Variants in HDGFL2 observed in about 807,000 individuals in gnomAD.
HDGFL2 encodes the protein HDGF like 2.
A neutral mutation model predicts 77.1 loss-of-function variants in HDGFL2; 36 were observed. The observed-to-expected ratio is 0.47, with a 90% CI of 0.36 to 0.62. The LOEUF is 0.62. Ranked by LOEUF, HDGFL2 falls within the 20% of genes least tolerant of loss-of-function variation. The pLI is 0.00. For missense variants in HDGFL2, 976 were observed against 973.4 expected (o/e 1.00, Z -0.04); for synonymous variants, 463 against 413.1 (o/e 1.12, Z -1.46).
chr19:4,486,897 ACTC>A (rs1024180668), intron 3 of HDGFL2, among the ~76,000 whole-genome samples: 2 of 150,768 alleles, frequency 1.3e-5, no homozygotes, highest in African/African-American at 2.4e-5. Context: ...GCTTCTGACA[ACTC>A]CTCTGTAAAA....
chr19:4,479,345 A>C (rs1028089230), intron 3 of HDGFL2, among the ~76,000 whole-genome samples: 1 of 151,944 alleles, frequency 6.6e-6, no homozygotes, highest in South Asian at 2.1e-4. Flanking sequence ...GCACTTTGGG[A>C]GGCCGAGGCG....
chr19:4,499,838 G>C (rs35632432), intron 14 of HDGFL2, 134 bp downstream of exon 14: 8,657 of 750,602 alleles, frequency 0.012, 70 homozygotes, highest in Non-Finnish European at 0.013. Flanking sequence ...TGTCCTGTTG[G>C]GGTCTCCGTG....
rs1975926720 is a variant in HDGFL2 at position 4,502,158 on chromosome 19, T to C, written c.*148T>C. ...GTTTTTTTTTCCTGCCTAATTTCTG[T>C]GATTTCCAACCAACATGAAATGACT... On this transcript the variant is annotated 3_prime_UTR_variant, in exon 16 of 16. Transcript: ENST00000616600. 1.4e-6 allele frequency: 1 copy of C among 698,928 alleles called. No individual in the cohort carries two copies. The highest frequency in any genetic ancestry group is 1.8e-5 in the African/African-American group (1 of 56,494). 43.3% of individuals were successfully genotyped at this position (698,928 alleles called of 1,614,324 possible).
At chr19:4,481,998 G>C (rs969205397) in intron 3 of HDGFL2, among the ~76,000 whole-genome samples, 38 of 151,316 alleles carry the variant, frequency 2.5e-4, no homozygotes, top group Non-Finnish European at 5.3e-4. Flanking sequence ...CTCTCAGCCG[G>C]GGGGACTGGA....
chr19:4,485,888 A>AAAAAAAAAAAAT, intron 3 of HDGFL2, among the ~76,000 whole-genome samples: 1 of 149,028 alleles, frequency 6.7e-6, no homozygotes, highest in Non-Finnish European at 1.5e-5. Flanking sequence ...GTCTACAAAA[A>AAAAAAAAAAAAT]AAAAATACAA....
At position 4,472,324 on chromosome 19, in the gene HDGFL2, C is replaced by T. The variant is rs762506584; in HGVS notation, c.-27C>T. The T allele has an allele frequency of 4.1e-6, 6 of 1,477,926 alleles. No homozygotes were observed. The highest frequency in any genetic ancestry group is 2.8e-5 in the East Asian group (1 of 35,840). 91.6% of individuals were successfully genotyped at this position (1,477,926 alleles called of 1,614,324 possible). On this transcript the variant is annotated 5_prime_UTR_variant, in exon 1 of 16. Transcript: ENST00000616600. ...CCGCTACCGCCGCTGCAGCCGCTTT[C>T]CGCGGCCTGGGCCTCTCGCCGTCAG...
At chr19:4,490,321 C>T (rs1975474509) in intron 4 of HDGFL2, among the ~76,000 whole-genome samples, 1 of 152,112 alleles carries the variant, frequency 6.6e-6, no homozygotes, top group South Asian at 2.1e-4. Context: ...TCCTGACCTC[C>T]TGATCAGCCT....
chr19:4,499,902 G>A (rs900184942), intron 14 of HDGFL2, among the ~76,000 whole-genome samples, 198 bp downstream of exon 14: 5 of 152,228 alleles, frequency 3.3e-5, no homozygotes, highest in East Asian at 1.9e-4. Flanking sequence ...AGGTCCTACC[G>A]TGTGCCAGGC....
chr19:4,482,174 A>G (rs956741824), intron 3 of HDGFL2, among the ~76,000 whole-genome samples: 12 of 147,014 alleles, frequency 8.2e-5, no homozygotes, highest in Middle Eastern at 3.6e-3. Context: ...CTGGAATTAC[A>G]AGTGTGGCTT....
At chr19:4,491,476 G>C (rs1975510406) in intron 4 of HDGFL2, 90 bp from the exon 5 acceptor site, 1 of 1,081,088 alleles carries the variant, frequency 9.2e-7, no homozygotes, top group African/African-American at 1.6e-5. Context: ...CCAGAGCTCA[G>C]CTGTCGTGGG....
Position 4,482,847 on chromosome 19 carries a change from C to T in HDGFL2, c.289-5829C>T, listed in dbSNP as rs17434146. On this transcript the variant is annotated intron_variant, in intron 3 of 15. Transcript: ENST00000616600. ...ATAAGTCCTATAACTGCCGGTGGCT[C>T]CTGGGTTCGTGGCACTCACCAGCTC... Among the ~76,000 whole-genome samples the T allele has an allele frequency of 9.2e-3, 1,401 of 152,296 alleles. 11 individuals carry two copies. Among genetic ancestry groups the T allele is most frequent in the Non-Finnish European group, 0.016 (1,101 of 68,022 alleles).
chr19:4,499,380 T>A, intron 13 of HDGFL2, 111 bp from the exon 14 acceptor site: 1 of 847,302 alleles, frequency 1.2e-6, no homozygotes, highest in East Asian at 2.6e-5. Context: ...TGCACAGAGC[T>A]GTGCTCCCGG....
At chr19:4,498,720 G>T in intron 12 of HDGFL2, 94 bp from the exon 13 acceptor site, 1 of 801,134 alleles carries the variant, frequency 1.2e-6, no homozygotes, top group South Asian at 1.5e-5. Flanking sequence ...CCCTCAAGGA[G>T]AGCCCAGGAT....
intron 10 of HDGFL2, 78 bp downstream of exon 10, chr19:4,496,483 GC>G: frequency 9.1e-7 from 1 of 1,097,632 alleles, no homozygotes; most frequent in Non-Finnish European, 1.4e-6. Flanking sequence ...CCTCACAGGG[GC>G]AGCCCCACCT....
rs1975649175 is a variant in HDGFL2, at chr19:4,494,491, G to T, written c.1224+16G>T. 1 of 1,368,044 alleles carries T rather than the reference G, an allele frequency of 7.3e-7. No individual in the cohort carries two copies. The highest frequency in any genetic ancestry group is 9.4e-7 in the Non-Finnish European group (1 of 1,064,282). 84.7% of individuals were successfully genotyped at this position (1,368,044 alleles called of 1,614,324 possible). On this transcript the variant is annotated intron_variant, in intron 9 of 15. Transcript: ENST00000616600. ...GGAGAGAGAGGTGAGCCGGGAGGGC[G>T]CCGGGAGTCCCTGCCTTCACTCCAC...
At position 4,493,786 on chromosome 19, in the gene HDGFL2, GTCCTCCTCC is replaced by G; in HGVS notation, c.768_776del (p.Ser262_Ser264del). On this transcript the variant is annotated inframe_deletion, in exon 7 of 16. Transcript: ENST00000616600. ...AGCCGGTGGCCATGGCGCGGTCGGC[GTCCTCCTCC>G]TCCTCTTCCTCCTCCTCCTCCGACT... 1 of 1,544,006 alleles carries G rather than the reference GTCCTCCTCC, an allele frequency of 6.5e-7. No homozygotes were observed. Among genetic ancestry groups the G allele is most frequent in the Non-Finnish European group, 8.8e-7 (1 of 1,141,834 alleles).
chr19:4,476,359 A>G (rs1429850062), intron 3 of HDGFL2, among the ~76,000 whole-genome samples: 1 of 149,844 alleles, frequency 6.7e-6, no homozygotes, highest in Non-Finnish European at 1.5e-5. Context: ...CACCCAGCTA[A>G]TTTTTGTATT....
rs112026326 is a variant in HDGFL2 at position 4,494,217 on chromosome 19, G to A, written c.966G>A (p.Ala322=). The change falls in exon 9 of 16, where the codon GCG becomes GCA. Residue 322 remains alanine (A), a synonymous_variant. Coordinates refer to ENST00000616600, the MANE Select transcript of HDGFL2 (RefSeq NM_001001520.3). ...RISEWKRRDE[A]RRRELEARRR... is the part of the protein sequence containing the mutation. Reference sequence around the variant, plus strand: ...GTGAGTGGAAGCGGCGGGACGAGGCGCGGAGGCGCGAGCTGGAGGCCCGGC... The same window carrying A: ...GTGAGTGGAAGCGGCGGGACGAGGCACGGAGGCGCGAGCTGGAGGCCCGGC... The A allele has an allele frequency of 2.8e-4, 407 of 1,466,660 alleles. No homozygotes were observed. In the African/African-American group the frequency reaches 4.8e-3, roughly 17 times the overall value. 90.9% of individuals were successfully genotyped at this position (1,466,660 alleles called of 1,614,324 possible).
intron 3 of HDGFL2, among the ~76,000 whole-genome samples, chr19:4,481,649 A>G (rs1975221022): frequency 6.6e-6 from 1 of 150,688 alleles, no homozygotes; most frequent in African/African-American, 2.5e-5. Flanking sequence ...TTTAGTAGAG[A>G]TTTCACTATG....
Sources: allele counts gnomAD v4.1 joint callset (sites outside exome capture counted in the v4.1 genomes callset), GRCh38; gene constraint gnomAD v4.1.1; transcripts MANE v1.5; gene names NCBI Gene and HGNC (gene_info 2026-07-23, HGNC 2026-07-21).